Variants in TWF2 observed in about 807,000 individuals in gnomAD.
TWF2 encodes twinfilin-2.
TWF2 carries 15 observed loss-of-function variants against 45.1 expected under a neutral mutation model. The observed-to-expected ratio is 0.33, with a 90% confidence interval of 0.22 to 0.51. The LOEUF (loss-of-function observed/expected upper bound fraction) is 0.51. Ranked by LOEUF, TWF2 falls within the 20% of genes least tolerant of loss-of-function variation. The probability of loss-of-function intolerance (pLI) is 0.97; values close to 1 mark genes in which losing one functional copy is unlikely to be tolerated. For missense variants in TWF2, 423 were observed against 469.1 expected, an observed-to-expected ratio of 0.90 and a Z score of 0.91; for synonymous variants, 177 against 195.8, an observed-to-expected ratio of 0.90 and a Z score of 0.80.
chr3:52,231,648 G>T, intron 3 of TWF2, 109 bp from the exon 4 acceptor site: 1 of 1,270,804 alleles, frequency 7.9e-7, no homozygotes, highest in Non-Finnish European at 1.1e-6. Context: ...TGGCACACCT[G>T]GCAGAGGGCC....
chr3:52,231,921 C>T, intron 3 of TWF2, 23 bp downstream of exon 3: 1 of 1,603,622 alleles, frequency 6.2e-7, no homozygotes, highest in Non-Finnish European at 8.5e-7. Flanking sequence ...CCCCTCCTCA[C>T]TTCCCACTGG....
chr3:52,232,506 C>T lies in TWF2; in HGVS notation c.104-384G>A, dbSNP rs539407972. 1.1e-3 allele frequency among the ~76,000 whole-genome samples: 168 copies of T among 152,268 alleles called. 3 individuals are homozygous for T. Among genetic ancestry groups the T allele is most frequent in the African/African-American group, 3.9e-3 (160 of 41,554 alleles). On this transcript the variant is annotated intron_variant, in intron 2 of 8. Coordinates refer to ENST00000305533, the MANE Select transcript of TWF2 (RefSeq NM_007284.4). Reference sequence around the variant, plus strand: ...ACAGCTGCTCAGCCCACAGTCCCCACGAAACTGCCTCCTGCTCGCCTCCTC... The same window carrying T: ...ACAGCTGCTCAGCCCACAGTCCCCATGAAACTGCCTCCTGCTCGCCTCCTC...
chr3:52,229,233 G>T, intron 8 of TWF2, 32 bp from the exon 9 acceptor site: 1 of 1,604,168 alleles, frequency 6.2e-7, no homozygotes, highest in South Asian at 1.1e-5. Context: ...TCACCCCAAT[G>T]GGAGGGGCTC....
At chr3:52,235,295 G>A (rs962603544) in intron 1 of TWF2, among the ~76,000 whole-genome samples, 189 bp from the exon 2 acceptor site, 2 of 152,102 alleles carry the variant, frequency 1.3e-5, no homozygotes, top group Admixed American at 1.3e-4. Flanking sequence ...GAGGTGGCAG[G>A]CGAGTGGCCT....
intron 4 of TWF2, 96 bp from the exon 5 acceptor site, chr3:52,231,327 C>T (rs1351834249): frequency 7.3e-5 from 114 of 1,563,666 alleles, no homozygotes; most frequent in Non-Finnish European, 9.6e-5. Flanking sequence ...CCCTTGGACT[C>T]CCCCAGCGCC....
chr3:52,237,331 C>T (rs1699736774), intron 1 of TWF2, among the ~76,000 whole-genome samples: 1 of 152,240 alleles, frequency 6.6e-6, no homozygotes, highest in South Asian at 2.1e-4. Flanking sequence ...AAGTGAGCCT[C>T]ACATTACAGG....
rs920237868 is a variant in TWF2 at position 52,231,433 on chromosome 3, C to T, written c.378+11G>A. On this transcript the variant is annotated intron_variant, in intron 4 of 8. Coordinates refer to ENST00000305533, the MANE Select transcript of TWF2 (RefSeq NM_007284.4). ...AGGATTGTGTCCCGGTAAGTCCTGG[C>T]TTAGGATTACCTTCACAGTCCCGAA... The T allele has an allele frequency of 4.3e-6, 7 of 1,612,888 alleles. No individual in the cohort carries two copies. Among genetic ancestry groups the T allele is most frequent in the African/African-American group, 1.3e-5 (1 of 74,914 alleles).
chr3:52,229,902 C>T lies in TWF2; in HGVS notation c.760+18G>A. On this transcript the variant is annotated intron_variant, in intron 7 of 8. Transcript: ENST00000305533. Reference sequence around the variant, plus strand: ...CCCACCCAGCCACAGGCTTGGGAGCCCTGCCATGGCCACTCACCTACAGAC... The same window carrying T: ...CCCACCCAGCCACAGGCTTGGGAGCTCTGCCATGGCCACTCACCTACAGAC... The T allele has an allele frequency of 6.2e-7, 1 of 1,600,562 alleles. No individual in the cohort carries two copies.
chr3:52,229,563 A>ACGATT, intron 8 of TWF2, 98 bp downstream of exon 8: 1 of 1,540,808 alleles, frequency 6.5e-7, no homozygotes, highest in South Asian at 1.2e-5. Context: ...CACGACAGCA[A>ACGATT]CGATTCCTGC....
rs752685538 is a variant in TWF2 at position 52,236,303 on chromosome 3, GA to G, written c.26-1198del. 4.6e-3 allele frequency among the ~76,000 whole-genome samples: 486 copies of G among 105,468 alleles called. 2 individuals carry two copies. The highest frequency in any genetic ancestry group is 0.013 in the African/African-American group (368 of 29,376). 69.2% of individuals were successfully genotyped at this position (105,468 alleles called of 152,430 possible). ...GCAACAAGAGTGAAACTCCGCCTCA[GA>G]AAAAAAAAAAAAAAAGAGACTCCAT... On this transcript the variant is annotated intron_variant, in intron 1 of 8. Transcript: ENST00000305533.
chr3:52,234,898 G>C (rs989571632), intron 2 of TWF2, 131 bp downstream of exon 2: 4 of 966,470 alleles, frequency 4.1e-6, no homozygotes, highest in Non-Finnish European at 6.3e-6. Context: ...TGTCAGGATG[G>C]CCTCACACCC....
intron 1 of TWF2, among the ~76,000 whole-genome samples, chr3:52,238,584 AAC>A (rs1699749809): frequency 6.6e-6 from 1 of 152,138 alleles, no homozygotes; most frequent in African/African-American, 2.4e-5. Context: ...TGTCCATTCA[AAC>A]AGTCACTAGT....
intron 2 of TWF2, 46 bp from the exon 3 acceptor site, chr3:52,232,168 G>A (rs767951700): frequency 9.5e-6 from 14 of 1,471,416 alleles, no homozygotes; most frequent in African/African-American, 4.2e-5. Flanking sequence ...CTCCCACTGC[G>A]CCTCCCGCTG....
chr3:52,232,196 C>T lies in TWF2; in HGVS notation c.104-74G>A, dbSNP rs561939942. 93 of 1,437,542 alleles carry T rather than the reference C, an allele frequency of 6.5e-5. No individual in the cohort carries two copies. The African/African-American group carries it at 6.9e-4, about 11-fold the overall frequency. 89.0% of individuals were successfully genotyped at this position (1,437,542 alleles called of 1,614,324 possible). ...TCCCGCTGCAGACCTCCAGCCTCGC[C>T]GTGGCTGCCCAGCTGGCTCAGAGCC... On this transcript the variant is annotated intron_variant, in intron 2 of 8. Transcript: ENST00000305533.
intron 2 of TWF2, among the ~76,000 whole-genome samples, chr3:52,233,827 T>C (rs534423284): frequency 7.0e-6 from 1 of 143,766 alleles, no homozygotes; most frequent in East Asian, 2.1e-4. Context: ...GGCAGGAGAA[T>C]GGCGTGAACC....
At chr3:52,234,916 G>A (rs1227208937) in intron 2 of TWF2, 113 bp downstream of exon 2, 1 of 1,204,412 alleles carries the variant, frequency 8.3e-7, no homozygotes, top group African/African-American at 1.5e-5. Flanking sequence ...CCCATTTCCA[G>A]AGTGGGAAAT....
Position 52,230,854 on chromosome 3 carries a change from G to C in TWF2, c.609+16C>G. ...GGTGGTGGCAGCATGTGCCAGGGTA[G>C]GGAGCAGGCACCCACCATCTGGATG... On this transcript the variant is annotated intron_variant, in intron 6 of 8. Coordinates refer to ENST00000305533, the MANE Select transcript of TWF2 (RefSeq NM_007284.4). 1 of 1,609,490 alleles carries C rather than the reference G, an allele frequency of 6.2e-7. No homozygotes were observed. Among genetic ancestry groups the C allele is most frequent in the East Asian group, 2.2e-5 (1 of 44,746 alleles).
rs748125935 is a variant in TWF2, at chr3:52,230,855, G to A, written c.609+15C>T. 6.2e-7 allele frequency: 1 copy of A among 1,609,702 alleles called. No individual in the cohort carries two copies. Among genetic ancestry groups the A allele is most frequent in the African/African-American group, 1.3e-5 (1 of 74,840 alleles). ...GTGGTGGCAGCATGTGCCAGGGTAG[G>A]GAGCAGGCACCCACCATCTGGATGT... On this transcript the variant is annotated intron_variant, in intron 6 of 8. Coordinates refer to ENST00000305533, the MANE Select transcript of TWF2 (RefSeq NM_007284.4).
At chr3:52,230,771 C>A in intron 6 of TWF2, 99 bp downstream of exon 6, 22 of 1,486,336 alleles carry the variant, frequency 1.5e-5, no homozygotes, top group Non-Finnish European at 2.0e-5. Context: ...GGACAGACTG[C>A]AGGCTGGTGG....
Sources: gnomAD v4.1 joint callset for allele counts (sites outside exome capture counted in the v4.1 genomes callset) on GRCh38, gnomAD v4.1.1 for gene constraint, MANE v1.5 for transcripts, NCBI Gene and HGNC (gene_info 2026-07-23, HGNC 2026-07-21) for gene names.